The following NAALADL2 variants were observed in gnomAD, a reference collection of about 807,000 sequenced individuals.
The protein encoded by NAALADL2 is inactive N-acetylated-alpha-linked acidic dipeptidase-like protein 2.
A neutral mutation model predicts 87.2 loss-of-function variants in NAALADL2; 76 were observed. The observed-to-expected ratio is 0.87, with a 90% CI of 0.72 to 1.05. The LOEUF is 1.05. Among genes scored for constraint, NAALADL2 ranks in the 50% least tolerant of loss-of-function variants. NAALADL2 has a pLI of 0.00. For synonymous variants in NAALADL2, 354 were observed against 331.0 expected, an observed-to-expected ratio of 1.07 and a Z score of -0.75; for missense variants, 1,089 against 945.8, an observed-to-expected ratio of 1.15 and a Z score of -1.99.
At chr3:174,563,101 T>C (rs2108515806) in intron 2 of NAALADL2, among the ~76,000 whole-genome samples, 1 of 152,110 alleles carries the variant, frequency 6.6e-6, no homozygotes, top group Non-Finnish European at 1.5e-5. Context: ...TTTTGTTAAT[T>C]TTCTTCATTT....
At chr3:174,670,751 T>G (rs188656227) in intron 2 of NAALADL2, among the ~76,000 whole-genome samples, 1 of 152,242 alleles carries the variant, frequency 6.6e-6, no homozygotes, top group Non-Finnish European at 1.5e-5. Context: ...TAAAGTCATT[T>G]TGTCCCTTTG....
chr3:174,642,458 G>A (rs1374084398), intron 2 of NAALADL2, among the ~76,000 whole-genome samples: 2 of 149,848 alleles, frequency 1.3e-5, no homozygotes, highest in African/African-American at 2.5e-5. Context: ...CTGAGATCGC[G>A]CCACTGCATT....
intron 2 of NAALADL2, among the ~76,000 whole-genome samples, chr3:174,696,177 T>C (rs1311231452): frequency 3.3e-5 from 5 of 151,986 alleles, no homozygotes; most frequent in Non-Finnish European, 7.4e-5. Context: ...ATGAGTGTGG[T>C]GGGAGGCTTT....
intron 10 of NAALADL2, among the ~76,000 whole-genome samples, chr3:175,610,432 G>C (rs1724465013): frequency 6.6e-6 from 1 of 152,038 alleles, no homozygotes; most frequent in Admixed American, 6.6e-5. Flanking sequence ...ACAGATGAGG[G>C]AGAAAGGATG....
intron 2 of NAALADL2, among the ~76,000 whole-genome samples, chr3:174,703,347 A>G (rs1212547960): frequency 6.8e-6 from 1 of 146,906 alleles, no homozygotes; most frequent in African/African-American, 2.5e-5. Flanking sequence ...TATGTTATCT[A>G]GAGTGATAAT....
At chr3:174,980,587 G>A (rs79253182) in intron 1 of NAALADL2, among the ~76,000 whole-genome samples, 16,664 of 151,732 alleles carry the variant, frequency 0.11, 2,233 homozygotes, top group African/African-American at 0.32. Flanking sequence ...GAAAGATCAA[G>A]GTATTATAAG....
chr3:174,972,881 A>C (rs1172034027), intron 1 of NAALADL2, among the ~76,000 whole-genome samples: 2 of 151,820 alleles, frequency 1.3e-5, no homozygotes, highest in Non-Finnish European at 2.9e-5. Flanking sequence ...CCATAATCCC[A>C]GCTAGTCGGG....
At chr3:174,586,180 T>A (rs1259203486) in intron 2 of NAALADL2, among the ~76,000 whole-genome samples, 8 of 152,210 alleles carry the variant, frequency 5.3e-5, no homozygotes, top group Non-Finnish European at 8.8e-5. Flanking sequence ...AAGCAATCAT[T>A]TATTTAGCAC....
chr3:175,238,247 T>C (rs1296458984), intron 3 of NAALADL2, among the ~76,000 whole-genome samples: 1 of 152,124 alleles, frequency 6.6e-6, no homozygotes, highest in Non-Finnish European at 1.5e-5. Context: ...ACACCATTTG[T>C]AAGTGTATTA....
chr3:174,529,677 A>G (rs1721066037), intron 1 of NAALADL2, among the ~76,000 whole-genome samples: 1 of 152,114 alleles, frequency 6.6e-6, no homozygotes, highest in Admixed American at 6.5e-5. Flanking sequence ...AGGTTCCCAC[A>G]CTGCAGTTCT....
chr3:174,487,239 A>G (rs915501049), intron 1 of NAALADL2, among the ~76,000 whole-genome samples: 1 of 152,054 alleles, frequency 6.6e-6, no homozygotes, highest in Non-Finnish European at 1.5e-5. Flanking sequence ...TAGTTTGTTC[A>G]TATGAGCCAA....
chr3:175,708,604 GA>G (rs374500614), intron 11 of NAALADL2, among the ~76,000 whole-genome samples: 37,631 of 145,112 alleles, frequency 0.26, 6,115 homozygotes, highest in African/African-American at 0.47. Context: ...ACTAGGATGA[GA>G]AAAAAAAAAA....
intron 2 of NAALADL2, among the ~76,000 whole-genome samples, chr3:175,176,900 T>C (rs1292342587): frequency 1.3e-5 from 2 of 152,090 alleles, no homozygotes; most frequent in Non-Finnish European, 2.9e-5. Context: ...GACTGTATGA[T>C]AGTAAATTTG....
intron 1 of NAALADL2, among the ~76,000 whole-genome samples, chr3:174,501,714 T>A (rs1441311676): frequency 1.3e-5 from 2 of 152,130 alleles, no homozygotes; most frequent in Non-Finnish European, 2.9e-5. Context: ...CTCTTAATAT[T>A]ATAATAGCTG....
chr3:174,601,264 T>C (rs1441655550), intron 2 of NAALADL2, among the ~76,000 whole-genome samples: 4 of 152,108 alleles, frequency 2.6e-5, no homozygotes, highest in Non-Finnish European at 5.9e-5. Context: ...CCAACAGTTG[T>C]GCGAGGGTTT....
chr3:174,643,642 A>G (rs1254385965), intron 2 of NAALADL2, among the ~76,000 whole-genome samples: 1 of 152,164 alleles, frequency 6.6e-6, no homozygotes, highest in Non-Finnish European at 1.5e-5. Context: ...CAGTAGAGCT[A>G]GACTCCCTCT....
At chr3:175,629,850 G>A (rs1727514932) in intron 11 of NAALADL2, among the ~76,000 whole-genome samples, 1 of 151,622 alleles carries the variant, frequency 6.6e-6, no homozygotes, top group Non-Finnish European at 1.5e-5. Context: ...GAAAATTAGA[G>A]GCCATTAGAG....
chr3:175,121,826 A>G (rs1411268533), intron 2 of NAALADL2, among the ~76,000 whole-genome samples: 1 of 151,614 alleles, frequency 6.6e-6, no homozygotes, highest in Admixed American at 6.6e-5. Flanking sequence ...ACTAAAATGC[A>G]TTTTTTTCCT....
intron 1 of NAALADL2, among the ~76,000 whole-genome samples, chr3:174,976,095 A>G (rs1744323093): frequency 6.6e-6 from 1 of 152,230 alleles, no homozygotes; most frequent in African/African-American, 2.4e-5. Flanking sequence ...CAATAGACAT[A>G]GGTAATTCCA....
Sources: allele counts gnomAD v4.1 joint callset (sites outside exome capture counted in the v4.1 genomes callset), GRCh38; gene constraint gnomAD v4.1.1; transcripts MANE v1.5; gene names NCBI Gene and HGNC (gene_info 2026-07-23, HGNC 2026-07-21).